Variants in WWP2 observed in about 807,000 individuals in gnomAD.
WWP2 encodes NEDD4-like E3 ubiquitin-protein ligase WWP2.
Under a neutral mutation model 121.0 loss-of-function variants are expected in WWP2, and 57 were observed. The observed-to-expected ratio is 0.47, with a 90% CI of 0.38 to 0.59. WWP2 has a LOEUF of 0.59. WWP2 is among the 20% of genes least tolerant of loss of function. WWP2 has a pLI of 0.00. For missense variants in WWP2, 962 were observed against 1,158.9 expected, an observed-to-expected ratio of 0.83 and a Z score of 2.47; for synonymous variants, 449 against 441.3, an observed-to-expected ratio of 1.02 and a Z score of -0.22.
In WWP2 at chr16:69,799,182, C is replaced by T. The variant is rs375318503; in HGVS notation, c.227C>T (p.Thr76Met). 30 of 1,611,394 alleles carry T rather than the reference C, an allele frequency of 1.9e-5. No homozygotes were observed. Among genetic ancestry groups the T allele is most frequent in the African/African-American group, 4.0e-5 (3 of 74,710 alleles). Residue 76 changes from threonine (T) to methionine (M), a missense_variant, in exon 4 of 24, where the codon ACG (threonine) becomes ATG (methionine). Thr to Met is a moderately conservative substitution (Grantham distance 81). Coordinates refer to ENST00000359154, the MANE Select transcript of WWP2 (RefSeq NM_001270454.2). This position sits in a 1 kb window ranked among gnomAD's most constrained non-coding sequence, Gnocchi z 4.5. ...LWNEIIILNV[T>M]AQSHLDLKVW... ...AGGTATTTGTTTTTCAGGAATGTCA[C>T]GGCACAGAGTCATTTAGATTTAAAG...
chr16:69,869,058 T>G (rs1388940245), intron 6 of WWP2, among the ~76,000 whole-genome samples: 1 of 152,140 alleles, frequency 6.6e-6, no homozygotes, highest in Non-Finnish European at 1.5e-5. Context: ...CTGGCTAATT[T>G]TGTATTTTTA....
Position 69,881,726 on chromosome 16 carries a change from C to G in WWP2, c.704-6313C>G, listed in dbSNP as rs145221206. On this transcript the variant is annotated intron_variant, in intron 7 of 23. Transcript: ENST00000359154. The stretch of plus-strand genomic sequence containing the variant: ...TTTATTTTTTAGATAGAGCCTCACT[C>G]TGTCACCCAGGCTGGAGTGCAATGG... Among the ~76,000 whole-genome samples, 262 of 152,332 alleles carry G rather than the reference C, an allele frequency of 1.7e-3. 4 individuals carry two copies. Among genetic ancestry groups the G allele is most frequent in the African/African-American group, 5.9e-3 (244 of 41,576 alleles).
At chr16:69,840,025 A>C in intron 4 of WWP2, 101 bp from the exon 5 acceptor site, 2 of 1,522,280 alleles carry the variant, frequency 1.3e-6, no homozygotes, top group Non-Finnish European at 1.8e-6. Context: ...AAGCATTCCC[A>C]GAGAAGCCAG....
intron 4 of WWP2, among the ~76,000 whole-genome samples, chr16:69,813,156 G>T (rs1401486879): frequency 1.1e-4 from 17 of 150,714 alleles, no homozygotes. Context: ...CTTATTTCTG[G>T]TGTAATTTTT....
At chr16:69,906,537 T>C (rs2058296723) in intron 8 of WWP2, among the ~76,000 whole-genome samples, 1 of 152,230 alleles carries the variant, frequency 6.6e-6, no homozygotes, top group Non-Finnish European at 1.5e-5. Context: ...CATATACAGT[T>C]AGCTCTGCTA....
At chr16:69,795,273 CA>C (rs66476556) in intron 2 of WWP2, among the ~76,000 whole-genome samples, 76,048 of 151,346 alleles carry the variant, frequency 0.5, 22,634 homozygotes, top group Non-Finnish European at 0.68. Flanking sequence ...CACACACACA[CA>C]CACACACACA....
At chr16:69,866,705 G>A (rs948598571) in intron 6 of WWP2, among the ~76,000 whole-genome samples, 4 of 152,044 alleles carry the variant, frequency 2.6e-5, no homozygotes, top group Admixed American at 6.6e-5. Flanking sequence ...TCCATTTGTC[G>A]AGGATGGGTT....
chr16:69,848,500 A>G (rs533566422), intron 6 of WWP2, among the ~76,000 whole-genome samples: 3 of 151,328 alleles, frequency 2.0e-5, no homozygotes, highest in African/African-American at 4.9e-5. Context: ...AGCTAGGTGC[A>G]GTGGCTCATG....
At chr16:69,864,728 T>A (rs1354612066) in intron 6 of WWP2, among the ~76,000 whole-genome samples, 1 of 151,838 alleles carries the variant, frequency 6.6e-6, no homozygotes, top group Non-Finnish European at 1.5e-5. Flanking sequence ...TTTTGCATTT[T>A]TTTTTTTTTT....
At chr16:69,828,868 G>A (rs1037419961) in intron 4 of WWP2, among the ~76,000 whole-genome samples, 1 of 152,058 alleles carries the variant, frequency 6.6e-6, no homozygotes, top group African/African-American at 2.4e-5. Flanking sequence ...ACCGTGTGCA[G>A]GTGAGCCACA....
At chr16:69,827,455 T>G (rs570868015) in intron 4 of WWP2, among the ~76,000 whole-genome samples, 1 of 152,328 alleles carries the variant, frequency 6.6e-6, no homozygotes, top group East Asian at 1.9e-4. Flanking sequence ...CGCTTTATAA[T>G]CACTAATCCA....
chr16:69,880,148 T>C (rs2057801304), intron 7 of WWP2, among the ~76,000 whole-genome samples: 1 of 150,864 alleles, frequency 6.6e-6, no homozygotes, highest in Non-Finnish European at 1.5e-5. Flanking sequence ...TATAAATATG[T>C]ATTTATACAT....
At chr16:69,821,724 C>CTTTTTTTT (rs557543615) in intron 4 of WWP2, among the ~76,000 whole-genome samples, 1 of 130,796 alleles carries the variant, frequency 7.6e-6, no homozygotes, top group Non-Finnish European at 1.6e-5. Flanking sequence ...TTCTTTCTTA[C>CTTTTTTTT]TTTTTTTTTT....
intron 9 of WWP2, chr16:69,909,429 G>C: frequency 1.0e-6 from 1 of 985,772 alleles, no homozygotes; most frequent in Non-Finnish European, 1.2e-6. Flanking sequence ...GGGAAAGGCT[G>C]TCGGAAGTAG....
intron 4 of WWP2, among the ~76,000 whole-genome samples, chr16:69,811,980 A>C (rs1010177451): frequency 2.0e-5 from 3 of 152,070 alleles, no homozygotes; most frequent in Non-Finnish European, 2.9e-5. Flanking sequence ...CAAAACTAAG[A>C]AATTTCCCGT....
intron 1 of WWP2, among the ~76,000 whole-genome samples, chr16:69,774,365 C>G (rs548846591): frequency 4.6e-4 from 70 of 152,076 alleles, no homozygotes; most frequent in Non-Finnish European, 8.2e-4. Flanking sequence ...AAGCGATCCT[C>G]CCACCTCACC....
chr16:69,770,628 C>A (rs913071293), intron 1 of WWP2, among the ~76,000 whole-genome samples: 1 of 152,100 alleles, frequency 6.6e-6, no homozygotes, highest in Admixed American at 6.5e-5. Context: ...GATTTATAGC[C>A]GGTTGGTCAG....
chr16:69,897,565 A>G (rs1162381956), intron 8 of WWP2, among the ~76,000 whole-genome samples: 1 of 152,194 alleles, frequency 6.6e-6, no homozygotes, highest in Non-Finnish European at 1.5e-5. Context: ...GTTCTGTTAC[A>G]TGAACAGATA....
chr16:69,936,982 G>A (rs1597190946), intron 19 of WWP2, 136 bp from the exon 20 acceptor site: 6 of 1,249,802 alleles, frequency 4.8e-6, no homozygotes, highest in Non-Finnish European at 5.4e-6. Flanking sequence ...AGGTCCTCCA[G>A]CAGGCTGGGT....
Sources: allele counts gnomAD v4.1 joint callset (sites outside exome capture counted in the v4.1 genomes callset), GRCh38; gene constraint gnomAD v4.1.1; non-coding constraint Gnocchi (gnomAD v3.1); transcripts MANE v1.5; gene names NCBI Gene and HGNC (gene_info 2026-07-23, HGNC 2026-07-21).